MYO16: variants seen among roughly 807,000 people sequenced by gnomAD.
MYO16 encodes the protein unconventional myosin-XVI.
Under a neutral mutation model 205.3 loss-of-function variants are expected in MYO16, and 94 were observed. The observed-to-expected ratio is 0.46, with a 90% CI of 0.39 to 0.54. MYO16 has a LOEUF of 0.54. MYO16 is among the 20% of genes least tolerant of loss of function. MYO16 has a pLI of 0.00. For synonymous variants in MYO16, 988 were observed against 954.0 expected, an observed-to-expected ratio of 1.04 and a Z score of -0.66; for missense variants, 2,315 against 2,387.5, an observed-to-expected ratio of 0.97 and a Z score of 0.63.
intron 16 of MYO16, among the ~76,000 whole-genome samples, chr13:108,954,843 C>T (rs910050944): frequency 2.0e-5 from 3 of 152,162 alleles, no homozygotes; most frequent in East Asian, 3.8e-4. Flanking sequence ...ATATCATTGT[C>T]CTTGACCTTT....
chr13:108,516,306 G>A, the MYO16 span, among the ~76,000 whole-genome samples: 1 of 151,710 alleles, frequency 6.6e-6, no homozygotes, highest in Admixed American at 6.6e-5. Context: ...CGCTTCCCAG[G>A]TGAGGCAATG....
At chr13:108,510,468 T>G in the MYO16 span, among the ~76,000 whole-genome samples, 230 of 62,772 alleles carry the variant, frequency 3.7e-3, no homozygotes, top group Non-Finnish European at 4.7e-3. Context: ...GCTGTTTTTT[T>G]TTTTTTTTTT....
At chr13:108,670,666 G>T (rs1011105230) in intron 2 of MYO16, among the ~76,000 whole-genome samples, 15 of 152,310 alleles carry the variant, frequency 9.8e-5, no homozygotes, top group African/African-American at 3.6e-4. Flanking sequence ...AGGATCAAAT[G>T]TGATTCAAGA....
chr13:109,129,770 G>A (rs1876439668), intron 31 of MYO16, among the ~76,000 whole-genome samples: 1 of 152,090 alleles, frequency 6.6e-6, no homozygotes, highest in Non-Finnish European at 1.5e-5. Flanking sequence ...ACAGAATGGA[G>A]CCCCATCCGA....
chr13:108,857,860 T>C (rs1878262747), intron 11 of MYO16, among the ~76,000 whole-genome samples: 1 of 152,224 alleles, frequency 6.6e-6, no homozygotes, highest in Non-Finnish European at 1.5e-5. Context: ...TTCTCTCTCT[T>C]TCTTGATCAC....
intron 28 of MYO16, among the ~76,000 whole-genome samples, chr13:109,112,156 A>C (rs1594095437): frequency 6.6e-6 from 1 of 152,348 alleles, no homozygotes; most frequent in African/African-American, 2.4e-5. Flanking sequence ...CTAAAATAAT[A>C]GTAAATAGCA....
At chr13:108,817,087 T>A (rs1566348129) in intron 7 of MYO16, among the ~76,000 whole-genome samples, 1 of 151,872 alleles carries the variant, frequency 6.6e-6, no homozygotes, top group Non-Finnish European at 1.5e-5. Context: ...AAATTGCCAG[T>A]GAGGATAAAA....
chr13:108,776,463 CG>C (rs1020595796), intron 4 of MYO16, among the ~76,000 whole-genome samples: 24 of 152,258 alleles, frequency 1.6e-4, no homozygotes, highest in African/African-American at 5.8e-4. Flanking sequence ...TAATGAATGG[CG>C]GATGGCGGCT....
chr13:108,862,148 C>T (rs1202328624), intron 11 of MYO16, among the ~76,000 whole-genome samples: 1 of 152,098 alleles, frequency 6.6e-6, no homozygotes, highest in African/African-American at 2.4e-5. Context: ...TCGAAATCCT[C>T]AAAAATCAAA....
rs67321937 is a variant in MYO16, at chr13:109,010,957, T to TTATATATATATATATATATATATA, written c.2595+1927_2595+1928insATATATATATATATATATATATAT. ...TCTATTATATATATTACATATAATA[T>TTATATATATATATATATATATATA]TATATATATATATATATATTTCTTC... On this transcript the variant is annotated intron_variant, in intron 22 of 34. Coordinates refer to ENST00000457511, the MANE Select transcript of MYO16 (RefSeq NM_001198950.3). Among the ~76,000 whole-genome samples the TTATATATATATATATATATATATA allele has an allele frequency of 7.8e-3, 919 of 118,238 alleles. 35 individuals carry two copies. Among genetic ancestry groups the TTATATATATATATATATATATATA allele is most frequent in the African/African-American group, 0.014 (445 of 32,088 alleles). The allele number at this position is 118,238 out of a possible 152,430, so 77.6% of individuals were successfully genotyped here.
Position 109,140,478 on chromosome 13 carries a change from G to A in MYO16, c.4266G>A (p.Ala1422=), listed in dbSNP as rs1211405306. Residue 1422 remains alanine (A), a synonymous_variant, in exon 32 of 35, where the codon GCG becomes GCA. Coordinates refer to ENST00000457511, the MANE Select transcript of MYO16 (RefSeq NM_001198950.3). The surrounding 1 kb of genome is among the most constrained non-coding windows in gnomAD (Gnocchi z 8.0). ...CGCAGTGCGCGCTGCCCCCGGCGGC[G>A]CCTCCGGGTGACGAGGACGACAGCG... is the stretch of plus-strand genomic sequence containing the variant. The part of the protein sequence containing the change: ...GTPQCALPPA[A]PPGDEDDSEP... The A allele has an allele frequency of 1.3e-6, 2 of 1,538,620 alleles. No individual in the cohort carries two copies. Among genetic ancestry groups the A allele is most frequent in the Admixed American group, 1.9e-5 (1 of 51,706 alleles).
At chr13:108,911,911 G>A (rs1212986928) in intron 16 of MYO16, among the ~76,000 whole-genome samples, 2 of 152,230 alleles carry the variant, frequency 1.3e-5, no homozygotes, top group East Asian at 3.9e-4. Flanking sequence ...TGATTCCTGT[G>A]GCTGTGGCCT....
At chr13:108,864,320 A>G (rs145968213) in intron 11 of MYO16, among the ~76,000 whole-genome samples, 14 of 152,218 alleles carry the variant, frequency 9.2e-5, no homozygotes, top group African/African-American at 2.9e-4. Flanking sequence ...GTTGCATCCC[A>G]CAAGTTATGA....
intron 5 of MYO16, among the ~76,000 whole-genome samples, chr13:108,789,326 T>A (rs1003086081): frequency 6.6e-6 from 1 of 152,212 alleles, no homozygotes; most frequent in African/African-American, 2.4e-5. Context: ...TGTCACTGCC[T>A]TAATTAACAT....
chr13:109,120,255 TTC>T, intron 28 of MYO16, 113 bp from the exon 29 acceptor site: 1 of 679,170 alleles, frequency 1.5e-6, no homozygotes, highest in Non-Finnish European at 2.5e-6. Context: ...TACTCTAATT[TTC>T]TGAGTTTGTT....
At chr13:108,963,973 C>T (rs762868669) in intron 19 of MYO16, among the ~76,000 whole-genome samples, 6 of 152,162 alleles carry the variant, frequency 3.9e-5, no homozygotes, top group African/African-American at 1.2e-4. Context: ...CTACATTTTC[C>T]GCCAGTATCA....
chr13:108,996,407 T>C lies in MYO16; in HGVS notation c.2442+3959T>C, dbSNP rs569538403. ...TGGGCATTCTTGGGCCCTAATGTGC[T>C]AAATTATGTATAAAAGCTATAATTA... On this transcript the variant is annotated intron_variant, in intron 21 of 34. Transcript: ENST00000457511. Among the ~76,000 whole-genome samples, 12 of 152,258 alleles carry C rather than the reference T, an allele frequency of 7.9e-5. No homozygotes were observed. The East Asian group carries it at 2.3e-3, about 29-fold the overall frequency.
At chr13:109,101,671 C>G (rs759906902) in intron 28 of MYO16, 1 of 152,144 alleles carries the variant, frequency 6.6e-6, no homozygotes, top group Non-Finnish European at 1.5e-5. Flanking sequence ...TGGGAAACCA[C>G]GCAGTCCATG....
chr13:108,591,770 A>G (rs1413066588), upstream of MYO16, among the ~76,000 whole-genome samples: 2 of 152,148 alleles, frequency 1.3e-5, no homozygotes, highest in Non-Finnish European at 2.9e-5. Flanking sequence ...AAATAAAAAG[A>G]AGTTAAATAG....
Sources: gnomAD v4.1 joint callset for allele counts (sites outside exome capture counted in the v4.1 genomes callset) on GRCh38, gnomAD v4.1.1 for gene constraint, Gnocchi (gnomAD v3.1) non-coding constraint, MANE v1.5 for transcripts, NCBI Gene and HGNC (gene_info 2026-07-23, HGNC 2026-07-21) for gene names.